Variants in FGF14 observed in about 807,000 individuals in gnomAD.
FGF14 encodes the protein fibroblast growth factor homologous factor 4.
Under a neutral mutation model 25.5 loss-of-function variants are expected in FGF14, and 5 were observed. That is an observed-to-expected ratio of 0.20 (90% CI 0.10 to 0.41). The LOEUF (loss-of-function observed/expected upper bound fraction) is 0.41, where lower values mean the gene tolerates loss of function less well. Ranked by LOEUF, FGF14 falls within the 10% of genes least tolerant of loss-of-function variation. The pLI, the probability that FGF14 is intolerant of heterozygous loss-of-function variation, is 1.00. For missense variants in FGF14, 222 were observed against 320.1 expected (o/e 0.69, Z 2.34); for synonymous variants, 138 against 118.3 (o/e 1.17, Z -1.08).
intron 3 of FGF14, among the ~76,000 whole-genome samples, chr13:101,759,237 G>T (rs1221054272): frequency 6.6e-6 from 1 of 152,148 alleles, no homozygotes; most frequent in African/African-American, 2.4e-5. Context: ...CGTAGATGAT[G>T]TCATGTGGCC....
chr13:101,863,952 C>G (rs2044561751), intron 3 of FGF14, among the ~76,000 whole-genome samples: 2 of 152,020 alleles, frequency 1.3e-5, no homozygotes, highest in Non-Finnish European at 2.9e-5. Context: ...CCTGCTGGCA[C>G]AGAGGAGGGC....
intron 1 of FGF14, among the ~76,000 whole-genome samples, chr13:102,169,377 A>G (rs1381449759): frequency 6.6e-6 from 1 of 152,054 alleles, no homozygotes; most frequent in Non-Finnish European, 1.5e-5. Context: ...TCAGGCAGCC[A>G]ATTTCTTTCA....
chr13:102,105,674 G>A (rs1410809550), intron 1 of FGF14, among the ~76,000 whole-genome samples: 1 of 152,042 alleles, frequency 6.6e-6, no homozygotes, highest in Non-Finnish European at 1.5e-5. Flanking sequence ...ATTCCAATAG[G>A]GCTTAGCTGA....
intron 1 of FGF14, among the ~76,000 whole-genome samples, chr13:102,243,391 G>T (rs1469701222): frequency 6.6e-6 from 1 of 152,030 alleles, no homozygotes; most frequent in Non-Finnish European, 1.5e-5. Flanking sequence ...ATTCAAAAAT[G>T]TTTTAAAGTC....
chr13:102,393,408 A>C (rs2058482251), intron 1 of FGF14, among the ~76,000 whole-genome samples: 3 of 152,214 alleles, frequency 2.0e-5, no homozygotes, highest in African/African-American at 7.2e-5. Context: ...AGTGATAAAA[A>C]GCACGTGGAC....
intron 1 of FGF14, among the ~76,000 whole-genome samples, chr13:102,049,379 A>G (rs2042122782): frequency 6.6e-6 from 1 of 152,150 alleles, no homozygotes. Context: ...ACCCAGTGTC[A>G]TTGGGCCTCA....
At chr13:101,979,714 C>T (rs1359547511) in intron 1 of FGF14, among the ~76,000 whole-genome samples, 1 of 152,178 alleles carries the variant, frequency 6.6e-6, no homozygotes, top group East Asian at 1.9e-4. Flanking sequence ...AAAGGGGATG[C>T]TCTTTGTCAT....
At chr13:101,790,224 C>G (rs888941788) in intron 3 of FGF14, among the ~76,000 whole-genome samples, 66 of 151,518 alleles carry the variant, frequency 4.4e-4, no homozygotes, top group African/African-American at 1.6e-3. Flanking sequence ...CTTTTATCCA[C>G]TCTACCTTTT....
intron 1 of FGF14, among the ~76,000 whole-genome samples, chr13:102,078,985 A>C: frequency 6.6e-6 from 1 of 152,160 alleles, no homozygotes; most frequent in East Asian, 1.9e-4. Context: ...AGGATATAGA[A>C]ATGGTCAGGA....
intron 3 of FGF14, among the ~76,000 whole-genome samples, chr13:101,829,610 T>TA (rs939696318): frequency 6.3e-4 from 93 of 148,444 alleles, no homozygotes; most frequent in Admixed American, 2.8e-3. Flanking sequence ...ATCGTCATCA[T>TA]AAAAAAAAAA....
At chr13:102,352,811 C>CAAA (rs368786811) in intron 1 of FGF14, among the ~76,000 whole-genome samples, 2 of 62,126 alleles carry the variant, frequency 3.2e-5, no homozygotes, top group Non-Finnish European at 7.2e-5. Flanking sequence ...GACTCTGTCT[C>CAAA]AAAAAAAAAA....
intron 1 of FGF14, among the ~76,000 whole-genome samples, chr13:101,985,108 C>T (rs1199870975): frequency 7.2e-6 from 1 of 138,090 alleles, no homozygotes; most frequent in African/African-American, 2.7e-5. Flanking sequence ...ACAACAGCAA[C>T]AAAAAATTAT....
intron 1 of FGF14, among the ~76,000 whole-genome samples, chr13:102,067,260 T>C (rs2042941888): frequency 6.6e-6 from 1 of 152,194 alleles, no homozygotes. Flanking sequence ...GTAAAGTAAT[T>C]AAGTCACTTG....
At chr13:101,868,889 TTTTC>T in intron 2 of FGF14, 61 bp from the exon 3 acceptor site, 4 of 1,089,312 alleles carry the variant, frequency 3.7e-6, no homozygotes, top group Non-Finnish European at 5.7e-6. Flanking sequence ...GAGTGTAATT[TTTTC>T]TTTCTGATTT....
intron 1 of FGF14, among the ~76,000 whole-genome samples, chr13:102,156,249 C>T (rs1417749729): frequency 6.6e-6 from 1 of 152,092 alleles, no homozygotes; most frequent in South Asian, 2.1e-4. Flanking sequence ...AACATCAATG[C>T]AAAAATCCTC....
intron 1 of FGF14, among the ~76,000 whole-genome samples, chr13:102,128,979 A>T (rs889096832): frequency 6.6e-6 from 1 of 152,176 alleles, no homozygotes; most frequent in Non-Finnish European, 1.5e-5. Flanking sequence ...GATAGTTGGG[A>T]GGCTGAGGCA....
chr13:101,827,498 C>A (rs9554827), intron 3 of FGF14, among the ~76,000 whole-genome samples: 60,073 of 151,528 alleles, frequency 0.4, 12,352 homozygotes, highest in Non-Finnish European at 0.44. Context: ...ATTTTTTATA[C>A]ATTTCTTTAT....
At chr13:101,956,302 C>T (rs2139426532) in intron 1 of FGF14, among the ~76,000 whole-genome samples, 1 of 152,294 alleles carries the variant, frequency 6.6e-6, no homozygotes, top group African/African-American at 2.4e-5. Context: ...TCTCTCTTTA[C>T]ATAAAACACA....
At chr13:102,260,076 G>A (rs893993394) in intron 1 of FGF14, among the ~76,000 whole-genome samples, 3 of 152,054 alleles carry the variant, frequency 2.0e-5, no homozygotes, top group African/African-American at 7.2e-5. Flanking sequence ...AGAGCGGGGA[G>A]GAGGAGGAGT....
Sources: allele counts gnomAD v4.1 joint callset (sites outside exome capture counted in the v4.1 genomes callset), GRCh38; gene constraint gnomAD v4.1.1; transcripts MANE v1.5; gene names NCBI Gene and HGNC (gene_info 2026-07-23, HGNC 2026-07-21).